The following ME3 variants were observed in gnomAD, a reference collection of about 807,000 sequenced individuals.
ME3 encodes the protein NADP-dependent malic enzyme, mitochondrial.
A neutral mutation model predicts 68.9 loss-of-function variants in ME3; 48 were observed. The ratio of observed to expected loss-of-function variants is 0.70; its 90% CI spans 0.55 to 0.89. The LOEUF is 0.89. ME3 is among the 40% of genes least tolerant of loss of function. The probability of loss-of-function intolerance (pLI) is 0.00; values close to 1 mark genes in which losing one functional copy is unlikely to be tolerated. For missense variants in ME3, 675 were observed against 797.4 expected (o/e 0.85, Z 1.85); for synonymous variants, 320 against 318.8 (o/e 1.00, Z -0.04).
intron 2 of ME3, among the ~76,000 whole-genome samples, chr11:86,600,430 A>G (rs1330593190): frequency 6.6e-6 from 1 of 152,158 alleles, no homozygotes; most frequent in Non-Finnish European, 1.5e-5. Context: ...CACCCAATAC[A>G]GGAGCACCCA....
At chr11:86,555,410 G>T (rs923592971) in intron 4 of ME3, among the ~76,000 whole-genome samples, 1 of 152,216 alleles carries the variant, frequency 6.6e-6, no homozygotes, top group African/African-American at 2.4e-5. Context: ...TTTTGGGAAT[G>T]AGAATAAGAG....
chr11:86,501,954 C>T (rs1185940411), intron 5 of ME3, among the ~76,000 whole-genome samples: 2 of 152,116 alleles, frequency 1.3e-5, no homozygotes, highest in South Asian at 2.1e-4. Flanking sequence ...GAAGCATGCC[C>T]AGATATATCA....
intron 2 of ME3, among the ~76,000 whole-genome samples, chr11:86,659,023 T>C (rs940812742): frequency 6.6e-6 from 1 of 151,936 alleles, no homozygotes; most frequent in African/African-American, 2.4e-5. Flanking sequence ...ATAAAAGAGA[T>C]AAGAAAGGAG....
chr11:86,569,219 G>T (rs1957648526), intron 2 of ME3, among the ~76,000 whole-genome samples: 1 of 152,220 alleles, frequency 6.6e-6, no homozygotes, highest in South Asian at 2.1e-4. Context: ...AGAAGGGGCT[G>T]CAAGACAGTG....
chr11:86,608,336 A>G (rs182999243), intron 2 of ME3, among the ~76,000 whole-genome samples: 3 of 152,268 alleles, frequency 2.0e-5, no homozygotes, highest in Admixed American at 1.3e-4. Context: ...AGGAGGGGCC[A>G]CTATGGGGAG....
At chr11:86,564,882 G>GATACTAT (rs1242952093) in intron 2 of ME3, among the ~76,000 whole-genome samples, 10 of 152,216 alleles carry the variant, frequency 6.6e-5, no homozygotes, top group African/African-American at 2.4e-4. Flanking sequence ...TGCATCAAAG[G>GATACTAT]ATACTATCAA....
At chr11:86,542,092 G>A (rs1348257176) in intron 4 of ME3, among the ~76,000 whole-genome samples, 1 of 152,188 alleles carries the variant, frequency 6.6e-6, no homozygotes, top group Non-Finnish European at 1.5e-5. Context: ...CTAACAAACA[G>A]AAAGGAATAG....
At chr11:86,654,034 A>T (rs2135450300) in intron 2 of ME3, among the ~76,000 whole-genome samples, 1 of 152,340 alleles carries the variant, frequency 6.6e-6, no homozygotes, top group African/African-American at 2.4e-5. Flanking sequence ...CACCCTCCCA[A>T]GACTAAACCA....
At chr11:86,522,493 T>C (rs1433120845) in intron 4 of ME3, among the ~76,000 whole-genome samples, 1 of 151,858 alleles carries the variant, frequency 6.6e-6, no homozygotes, top group Admixed American at 6.6e-5. Flanking sequence ...ATGCATTAGG[T>C]ATTTGTCCTA....
chr11:86,562,644 T>G (rs1390974854), intron 2 of ME3, among the ~76,000 whole-genome samples: 2 of 152,198 alleles, frequency 1.3e-5, no homozygotes, highest in Non-Finnish European at 2.9e-5. Context: ...TGACATATAA[T>G]GTTGAGTATC....
At chr11:86,587,135 G>A (rs1345840640) in intron 2 of ME3, among the ~76,000 whole-genome samples, 1 of 152,242 alleles carries the variant, frequency 6.6e-6, no homozygotes, top group African/African-American at 2.4e-5. Flanking sequence ...TCAAGTAGAA[G>A]TTCTGCTGAT....
At chr11:86,567,149 G>A (rs1315139462) in intron 2 of ME3, among the ~76,000 whole-genome samples, 5 of 151,884 alleles carry the variant, frequency 3.3e-5, no homozygotes, top group East Asian at 1.9e-4. Context: ...ACTGGGAGGC[G>A]GAGGTTGCAG....
rs557148401 is a variant in ME3, at chr11:86,625,377, G to A, written c.183+46385C>T. 3.3e-5 allele frequency among the ~76,000 whole-genome samples: 5 copies of A among 151,984 alleles called. No individual in the cohort carries two copies. The South Asian group carries it at 6.2e-4, about 19-fold the overall frequency. On this transcript the variant is annotated intron_variant, in intron 2 of 14. Coordinates refer to ENST00000543262, the Ensembl canonical transcript of ME3. ...AAGACCCCAAGGAACATCAACATTT[G>A]TTCAAAATACAGGAACAATGATGAA...
chr11:86,552,751 T>C (rs566408348), intron 4 of ME3, among the ~76,000 whole-genome samples: 1 of 152,170 alleles, frequency 6.6e-6, no homozygotes, highest in Non-Finnish European at 1.5e-5. Flanking sequence ...AAGTCTGCCT[T>C]ACCATCTTTA....
intron 4 of ME3, among the ~76,000 whole-genome samples, chr11:86,540,342 T>C (rs764760453): frequency 5.9e-5 from 9 of 152,214 alleles, no homozygotes; most frequent in Non-Finnish European, 1.3e-4. Context: ...CTATCCAGTC[T>C]ACCGCTACTG....
At chr11:86,448,288 C>G (rs190439189) in intron 10 of ME3, 33 bp from the exon 11 acceptor site, 4 of 1,503,506 alleles carry the variant, frequency 2.7e-6, no homozygotes, top group African/African-American at 2.8e-5. Context: ...CAGTTGTGGT[C>G]GTGATGGCCT....
chr11:86,618,839 G>A (rs74334542), intron 2 of ME3, among the ~76,000 whole-genome samples: 12,623 of 151,830 alleles, frequency 0.083, 575 homozygotes, highest in Non-Finnish European at 0.11. Context: ...TACCTCCCGA[G>A]TAGCTGGGAT....
chr11:86,479,382 C>G (rs147045), intron 7 of ME3, among the ~76,000 whole-genome samples: 117,750 of 152,170 alleles, frequency 0.77, 45,631 homozygotes, highest in Non-Finnish European at 0.79. Flanking sequence ...AATCCACTCT[C>G]AAGTATCTAA....
intron 7 of ME3, among the ~76,000 whole-genome samples, chr11:86,467,943 C>T (rs1316482070): frequency 2.0e-5 from 3 of 152,060 alleles, no homozygotes; most frequent in Non-Finnish European, 4.4e-5. Flanking sequence ...ATCACTCATC[C>T]AATAATCTGG....
Sources: gnomAD v4.1 joint callset for allele counts (sites outside exome capture counted in the v4.1 genomes callset) on GRCh38, gnomAD v4.1.1 for gene constraint, MANE v1.5 for transcripts, NCBI Gene and HGNC (gene_info 2026-07-23, HGNC 2026-07-21) for gene names.